The following XIRP2 variants were observed in gnomAD, a reference collection of about 807,000 sequenced individuals.
The protein encoded by XIRP2 is xin actin binding repeat containing 2.
Under a neutral mutation model 277.0 loss-of-function variants are expected in XIRP2, and 236 were observed. That is an observed-to-expected ratio of 0.85 (90% CI 0.77 to 0.95). XIRP2 has a LOEUF of 0.95. XIRP2 is among the 40% of genes least tolerant of loss of function. XIRP2 has a pLI of 0.00. For synonymous variants in XIRP2, 1,490 were observed against 1,416.5 expected (o/e 1.05, Z -1.17); for missense variants, 4,640 against 4,157.5 (o/e 1.12, Z -3.19).
At chr2:167,046,456 T>A (rs1419038208) in intron 2 of XIRP2, among the ~76,000 whole-genome samples, 2 of 136,594 alleles carry the variant, frequency 1.5e-5, no homozygotes, top group Non-Finnish European at 3.1e-5. Flanking sequence ...ATTATTCTAC[T>A]ACAGAGACAC....
At position 167,217,962 on chromosome 2, in the gene XIRP2, TC is replaced by T. The variant is rs573469694; in HGVS notation, c.724-203del. Among the ~76,000 whole-genome samples the T allele has an allele frequency of 1.1e-3, 171 of 152,266 alleles. 1 individual carries two copies. The highest frequency in any genetic ancestry group is 3.9e-3 in the African/African-American group (163 of 41,560). On this transcript the variant is annotated intron_variant, in intron 4 of 10. Coordinates refer to ENST00000409195, the MANE Select transcript of XIRP2 (RefSeq NM_152381.6). ...CTTTGAAAATTCTTCTGACTTTATA[TC>T]AAAAGACTGATAAATGAGAAAACAA...
At chr2:166,939,037 C>G (rs1298829559) in intron 2 of XIRP2, among the ~76,000 whole-genome samples, 1 of 152,132 alleles carries the variant, frequency 6.6e-6, no homozygotes, top group Non-Finnish European at 1.5e-5. Flanking sequence ...GATCTTGACT[C>G]TTTATCCAAT....
intron 3 of XIRP2, among the ~76,000 whole-genome samples, chr2:167,153,651 GTA>G (rs1692089422): frequency 6.6e-6 from 1 of 151,460 alleles, no homozygotes; most frequent in African/African-American, 2.4e-5. Flanking sequence ...GAGTGAGAAT[GTA>G]CGGTGTTTGG....
At chr2:167,196,412 T>TTGTGTGTGTGTGTGTGTGTGTG (rs71031280) in intron 3 of XIRP2, among the ~76,000 whole-genome samples, 4 of 141,810 alleles carry the variant, frequency 2.8e-5, no homozygotes, top group African/African-American at 1.1e-4. Flanking sequence ...GTCAAGAATT[T>TTGTGTGTGTGTGTGTGTGTGTG]TGTGTGTGTG....
In XIRP2 at chr2:167,250,349, G is replaced by A. The variant is rs1460344592; in HGVS notation, c.8957G>A (p.Trp2986Ter). The part of the protein sequence containing the change: ...FQTLLNTIPG[W>*]LISEDKREYA... ...ACACTATTAAATACTATCCCAGGATGGCTGATAAGTGAAGATAAGAGAGAA... is the reference window on the plus strand; with the variant it reads ...ACACTATTAAATACTATCCCAGGATAGCTGATAAGTGAAGATAAGAGAGAA... Residue 2986 changes from tryptophan (W) to a stop codon, truncating the protein, a stop_gained, in exon 9 of 11, where the codon TGG (tryptophan) becomes TAG (stop). Transcript: ENST00000409195. LOFTEE classifies it high-confidence loss of function. The A allele has an allele frequency of 6.2e-7, 1 of 1,613,526 alleles. No individual in the cohort carries two copies. The highest frequency in any genetic ancestry group is 1.7e-5 in the Admixed American group (1 of 59,948).
At chr2:167,253,294 C>G (rs1206187409) in intron 9 of XIRP2, among the ~76,000 whole-genome samples, 1 of 151,778 alleles carries the variant, frequency 6.6e-6, no homozygotes, top group Non-Finnish European at 1.5e-5. Flanking sequence ...TACAGGAAAG[C>G]CACAGGAAGT....
chr2:167,202,096 C>T lies in XIRP2; in HGVS notation c.563-8639C>T, dbSNP rs147736365. Among the ~76,000 whole-genome samples the T allele has an allele frequency of 4.3e-4, 66 of 152,144 alleles. No individual in the cohort carries two copies. The East Asian group carries it at 9.3e-3, about 21-fold the overall frequency. On this transcript the variant is annotated intron_variant, in intron 3 of 10. Coordinates refer to ENST00000409195, the MANE Select transcript of XIRP2 (RefSeq NM_152381.6). ...GCTATCATTATTATAATGTAATATACGTCTGATTGTACTAGAGAAATGTCC... is the reference window on the plus strand; with the variant it reads ...GCTATCATTATTATAATGTAATATATGTCTGATTGTACTAGAGAAATGTCC...
At chr2:167,089,099 G>A (rs1285138993) in intron 2 of XIRP2, among the ~76,000 whole-genome samples, 2 of 152,156 alleles carry the variant, frequency 1.3e-5, no homozygotes, top group Non-Finnish European at 2.9e-5. Flanking sequence ...CACCAGCAGT[G>A]TACTACTTAG....
chr2:166,968,174 T>C (rs1437218473), intron 2 of XIRP2, among the ~76,000 whole-genome samples: 3 of 151,966 alleles, frequency 2.0e-5, no homozygotes, highest in African/African-American at 7.2e-5. Context: ...TAATGAGTTC[T>C]TCAACAACAA....
chr2:166,900,049 TC>T (rs1373822348), intron 1 of XIRP2, among the ~76,000 whole-genome samples: 1 of 152,070 alleles, frequency 6.6e-6, no homozygotes, highest in Non-Finnish European at 1.5e-5. Flanking sequence ...AAAAAATTTA[TC>T]CATGAATTTT....
chr2:167,243,961 C>T lies in XIRP2; in HGVS notation c.2569C>T (p.Pro857Ser), dbSNP rs778339949. ...GCCATTAGACATTCTAAAAGAAGTT[C>T]CTGATGCAGATTCTCTACAACGTGA... ...TQPLDILKEVPDADSLQREEI... is the reference protein window; with the variant it reads ...TQPLDILKEVSDADSLQREEI... The change falls in exon 9 of 11, where the codon CCT (proline) becomes TCT (serine). Residue 857 changes from proline to serine, a missense_variant. Pro to Ser is a moderately conservative substitution (Grantham distance 74). Coordinates refer to ENST00000409195, the MANE Select transcript of XIRP2 (RefSeq NM_152381.6). 7 of 1,613,854 alleles carry T rather than the reference C, an allele frequency of 4.3e-6. No individual in the cohort carries two copies. The South Asian group carries it at 5.5e-5, about 13-fold the overall frequency.
At chr2:167,129,371 A>G (rs1691306817) in intron 2 of XIRP2, among the ~76,000 whole-genome samples, 1 of 152,102 alleles carries the variant, frequency 6.6e-6, no homozygotes, top group Admixed American at 6.6e-5. Context: ...ACGGATCCAC[A>G]CTGAGAGGAA....
intron 2 of XIRP2, among the ~76,000 whole-genome samples, chr2:166,957,639 A>C (rs1287378054): frequency 6.6e-6 from 1 of 151,820 alleles, no homozygotes; most frequent in Admixed American, 6.6e-5. Context: ...CCCTAAATGC[A>C]AGCAAAGTGT....
At position 167,211,861 on chromosome 2, in the gene XIRP2, A is replaced by T. The variant is rs184319458; in HGVS notation, c.723+966A>T. On this transcript the variant is annotated intron_variant, in intron 4 of 10. Coordinates refer to ENST00000409195, the MANE Select transcript of XIRP2 (RefSeq NM_152381.6). ...TGCATTATAAAGTCATATTCAAAAG[A>T]ATTTTGGGGTTCTGTATTCTGTGGC... 1.1e-3 allele frequency among the ~76,000 whole-genome samples: 171 copies of T among 152,298 alleles called. 1 individual carries two copies. The highest frequency in any genetic ancestry group is 3.9e-3 in the African/African-American group (163 of 41,582).
At chr2:167,075,703 G>A (rs1370288586) in intron 2 of XIRP2, among the ~76,000 whole-genome samples, 5 of 152,044 alleles carry the variant, frequency 3.3e-5, no homozygotes, top group African/African-American at 4.8e-5. Flanking sequence ...GGGCAATGGC[G>A]TGATCTCCGC....
At chr2:166,917,570 A>G (rs966243610) in intron 2 of XIRP2, among the ~76,000 whole-genome samples, 8 of 152,106 alleles carry the variant, frequency 5.3e-5, no homozygotes, top group Non-Finnish European at 1.0e-4. Flanking sequence ...GGAAACTGCC[A>G]TCTCTTCCCA....
At chr2:167,047,634 T>C (rs1414008517) in intron 2 of XIRP2, among the ~76,000 whole-genome samples, 3 of 151,988 alleles carry the variant, frequency 2.0e-5, no homozygotes, top group Admixed American at 6.6e-5. Context: ...TCTGTCCTAT[T>C]AGACAATAAT....
intron 3 of XIRP2, among the ~76,000 whole-genome samples, chr2:167,170,520 T>A (rs1368327303): frequency 6.6e-6 from 1 of 152,204 alleles, no homozygotes; most frequent in Non-Finnish European, 1.5e-5. Flanking sequence ...TTATTTCTTG[T>A]GTTGCTTGTG....
chr2:166,945,663 C>CTTTTTTTT (rs71395267), intron 2 of XIRP2, among the ~76,000 whole-genome samples: 25 of 69,296 alleles, frequency 3.6e-4, no homozygotes, highest in African/African-American at 4.8e-4. Context: ...TAAGATAAAT[C>CTTTTTTTT]TTTTTTTTTT....
Sources: allele counts gnomAD v4.1 joint callset (sites outside exome capture counted in the v4.1 genomes callset), GRCh38; gene constraint gnomAD v4.1.1; transcripts MANE v1.5; gene names NCBI Gene and HGNC (gene_info 2026-07-23, HGNC 2026-07-21).